The following MKLN1 variants were observed in gnomAD, a reference collection of about 807,000 sequenced individuals.
MKLN1 encodes muskelin.
A neutral mutation model predicts 99.0 loss-of-function variants in MKLN1; 18 were observed. The ratio of observed to expected loss-of-function variants is 0.18; its 90% CI spans 0.13 to 0.27. The LOEUF is 0.27. MKLN1 is among the 10% of genes least tolerant of loss of function. The pLI, the probability that MKLN1 is intolerant of heterozygous loss-of-function variation, is 1.00. For synonymous variants in MKLN1, 288 were observed against 293.2 expected (o/e 0.98, Z 0.18); for missense variants, 621 against 875.9 (o/e 0.71, Z 3.67).
chr7:131,167,139 A>G (rs1325198524), intron 2 of MKLN1, among the ~76,000 whole-genome samples: 1 of 151,860 alleles, frequency 6.6e-6, no homozygotes, highest in Non-Finnish European at 1.5e-5. Flanking sequence ...TTATATCACA[A>G]CCTGGAAACT....
intron 3 of MKLN1, among the ~76,000 whole-genome samples, chr7:131,227,439 TTCTC>T (rs975991590): frequency 6.6e-6 from 1 of 151,576 alleles, no homozygotes; most frequent in Non-Finnish European, 1.5e-5. Flanking sequence ...CTTTCTCTCT[TTCTC>T]TCTTTTCTCT....
upstream of MKLN1, chr7:131,324,269 G>A (rs746595509): frequency 1.3e-5 from 2 of 152,234 alleles, no homozygotes; most frequent in African/African-American, 2.4e-5. Context: ...CCAAGAGTAG[G>A]AGGTCCAAAT....
intron 1 of MKLN1, among the ~76,000 whole-genome samples, chr7:131,329,227 C>G (rs544450263): frequency 3.3e-5 from 5 of 152,326 alleles, no homozygotes; most frequent in African/African-American, 1.2e-4. Flanking sequence ...GGAGCTGCAA[C>G]TGGAAGAATC....
intron 2 of MKLN1, among the ~76,000 whole-genome samples, chr7:131,386,324 C>CT: frequency 6.6e-6 from 1 of 152,106 alleles, no homozygotes; most frequent in East Asian, 1.9e-4. Flanking sequence ...GTCTTCAGTC[C>CT]TAAAGGATTG....
chr7:131,307,046 G>A (rs896262945), intron 3 of MKLN1, among the ~76,000 whole-genome samples: 3 of 152,074 alleles, frequency 2.0e-5, no homozygotes, highest in African/African-American at 4.8e-5. Flanking sequence ...ACAGTTGGGG[G>A]ATGCAGGATG....
chr7:131,424,975 C>A (rs1041092166), intron 8 of MKLN1, among the ~76,000 whole-genome samples: 1 of 152,182 alleles, frequency 6.6e-6, no homozygotes, highest in African/African-American at 2.4e-5. Context: ...GTCTTTTAAC[C>A]TCCTCTCCAC....
chr7:131,112,550 A>G (rs1297439250), intron 1 of MKLN1, among the ~76,000 whole-genome samples: 4 of 152,234 alleles, frequency 2.6e-5, no homozygotes, highest in Non-Finnish European at 4.4e-5. Context: ...ATATAAAAGT[A>G]TAGAGAAAGT....
chr7:131,178,577 CCA>C (rs1333496828), intron 2 of MKLN1, among the ~76,000 whole-genome samples: 1 of 152,194 alleles, frequency 6.6e-6, no homozygotes. Context: ...GCAATCTTTG[CCA>C]CAGTCTGTTC....
At chr7:131,141,164 T>C (rs1400314400) in intron 1 of MKLN1, among the ~76,000 whole-genome samples, 1 of 152,180 alleles carries the variant, frequency 6.6e-6, no homozygotes. Context: ...CCAGGGCATC[T>C]CATTCATCGC....
At chr7:131,252,293 G>GTTTT (rs977420613) in intron 3 of MKLN1, among the ~76,000 whole-genome samples, 2 of 145,246 alleles carry the variant, frequency 1.4e-5, no homozygotes, top group Non-Finnish European at 3.0e-5. Context: ...CACATGCATT[G>GTTTT]TTTTGGGGAT....
chr7:131,214,755 T>C (rs560067223), intron 3 of MKLN1, among the ~76,000 whole-genome samples: 4 of 152,326 alleles, frequency 2.6e-5, no homozygotes, highest in Admixed American at 1.3e-4. Flanking sequence ...CATAATCAGG[T>C]TGGGATTTTT....
chr7:131,113,704 G>T (rs1795231270), intron 1 of MKLN1, among the ~76,000 whole-genome samples: 1 of 151,492 alleles, frequency 6.6e-6, no homozygotes. Context: ...AGGCCTGGTG[G>T]CACACACCTG....
intron 2 of MKLN1, among the ~76,000 whole-genome samples, chr7:131,182,638 T>C (rs1487996855): frequency 1.3e-5 from 2 of 152,212 alleles, no homozygotes; most frequent in African/African-American, 4.8e-5. Context: ...TAAGAACAAA[T>C]AGAGAATAAA....
intron 10 of MKLN1, 89 bp downstream of exon 10, chr7:131,438,086 G>T: frequency 1.1e-6 from 1 of 944,484 alleles, no homozygotes; most frequent in Non-Finnish European, 1.7e-6. Flanking sequence ...ATGCTGAGTT[G>T]TCCAGTAGTG....
At position 131,384,441 on chromosome 7, in the gene MKLN1, T is replaced by C. The variant is rs576628871; in HGVS notation, c.169-2679T>C. Among the ~76,000 whole-genome samples the C allele has an allele frequency of 7.2e-4, 110 of 151,966 alleles. 1 individual carries two copies. Among genetic ancestry groups the C allele is most frequent in the African/African-American group, 2.6e-3 (106 of 41,468 alleles). Reference sequence around the variant, plus strand: ...TGGGTGGCAGAGATAGGAGTTACACTGTCACAAGCCAGAAAAAAAATCAAG... The same window carrying C: ...TGGGTGGCAGAGATAGGAGTTACACCGTCACAAGCCAGAAAAAAAATCAAG... On this transcript the variant is annotated intron_variant, in intron 2 of 17. Coordinates refer to ENST00000352689, the MANE Select transcript of MKLN1 (RefSeq NM_013255.5).
chr7:131,322,397 C>T (rs1477449871), intron 3 of MKLN1, among the ~76,000 whole-genome samples: 1 of 152,028 alleles, frequency 6.6e-6, no homozygotes, highest in Non-Finnish European at 1.5e-5. Flanking sequence ...CTACCTGAGA[C>T]CGGATAATTT....
intron 1 of MKLN1, among the ~76,000 whole-genome samples, chr7:131,373,574 G>A (rs1178454066): frequency 6.6e-6 from 1 of 152,018 alleles, no homozygotes; most frequent in Admixed American, 6.6e-5. Context: ...GTATAAATAA[G>A]TCTATAATTA....
chr7:131,474,025 C>T (rs926570176), intron 16 of MKLN1, among the ~76,000 whole-genome samples: 1 of 152,188 alleles, frequency 6.6e-6, no homozygotes, highest in Non-Finnish European at 1.5e-5. Context: ...TGGGAGGCGC[C>T]TGTAATCCCA....
rs376973178 is a variant in MKLN1 at position 131,415,588 on chromosome 7, G to A, written c.847+878G>A. Among the ~76,000 whole-genome samples, 21 of 152,274 alleles carry A rather than the reference G, an allele frequency of 1.4e-4. 1 individual carries two copies. The East Asian group carries it at 3.5e-3, about 25-fold the overall frequency. On this transcript the variant is annotated intron_variant, in intron 8 of 17. Coordinates refer to ENST00000352689, the MANE Select transcript of MKLN1 (RefSeq NM_013255.5). Reference sequence around the variant, plus strand: ...ATAACCTCTGAACTGGTTTGAGACTGTTATTAGGGTCTCTTTGGAAAAGGT... The same window carrying A: ...ATAACCTCTGAACTGGTTTGAGACTATTATTAGGGTCTCTTTGGAAAAGGT...
Sources: gnomAD v4.1 joint callset for allele counts (sites outside exome capture counted in the v4.1 genomes callset) on GRCh38, gnomAD v4.1.1 for gene constraint, MANE v1.5 for transcripts, NCBI Gene and HGNC (gene_info 2026-07-23, HGNC 2026-07-21) for gene names.